ZFC3H1: variants seen among roughly 807,000 people sequenced by gnomAD.
ZFC3H1 encodes zinc finger C3H1 domain-containing protein.
ZFC3H1 carries 71 observed loss-of-function variants against 243.7 expected under a neutral mutation model. That is an observed-to-expected ratio of 0.29 (90% CI 0.24 to 0.36). ZFC3H1 has a LOEUF of 0.36. Among genes scored for constraint, ZFC3H1 ranks in the 10% least tolerant of loss-of-function variants. ZFC3H1 has a pLI of 1.00. For missense variants in ZFC3H1, 1,966 were observed against 2,317.1 expected, an observed-to-expected ratio of 0.85 and a Z score of 3.11; for synonymous variants, 838 against 813.0, an observed-to-expected ratio of 1.03 and a Z score of -0.52.
rs767539150 is a variant in ZFC3H1, at chr12:71,656,953, C to T, written c.947G>A (p.Arg316His). 154 of 1,613,568 alleles carry T rather than the reference C, an allele frequency of 9.5e-5. No homozygotes were observed. The highest frequency in any genetic ancestry group is 6.5e-5 in the Non-Finnish European group (77 of 1,179,824). ...TGCTCCATCTTTAACTTTTTTCAAA[C>T]GGTTCTTATCTCCTGGTAAAGTCAA... ...QKLTLPGDKN[R>H]LKKVKDGAKP... is the part of the protein sequence containing the mutation. Residue 316 changes from arginine to histidine, a missense_variant, in exon 2 of 35, where the codon CGT becomes CAT. Arg to His is a conservative substitution (Grantham distance 29). Around this residue, in one of 4 missense-constraint regions of ZFC3H1, gnomAD observed 484 missense variants for 449.7 expected, o/e 1.08. Coordinates refer to ENST00000378743, the MANE Select transcript of ZFC3H1 (RefSeq NM_144982.5).
At chr12:71,659,229 A>G (rs1881100842) in intron 1 of ZFC3H1, among the ~76,000 whole-genome samples, 1 of 152,224 alleles carries the variant, frequency 6.6e-6, no homozygotes, top group African/African-American at 2.4e-5. Flanking sequence ...CCTACAAGCC[A>G]TCCTTCATAC....
At chr12:71,614,735 T>C in intron 29 of ZFC3H1, 35 bp from the exon 30 acceptor site, 1 of 1,595,862 alleles carries the variant, frequency 6.3e-7, no homozygotes, top group South Asian at 1.1e-5. Flanking sequence ...TTAGAATAAC[T>C]AAGACAGTAG....
chr12:71,631,299 T>C (rs967410961), intron 16 of ZFC3H1, among the ~76,000 whole-genome samples: 12 of 152,106 alleles, frequency 7.9e-5, no homozygotes, highest in South Asian at 4.1e-4. Flanking sequence ...CTATATTACC[T>C]GGAAGGTGCT....
In ZFC3H1 at chr12:71,642,873, C is replaced by T. The variant is rs189621005; in HGVS notation, c.1504-314G>A. ...ACACCAAACTCTTGTACACTTATGA[C>T]TTCTGTATGATTAAGAAACTAGAGG... On this transcript the variant is annotated intron_variant, in intron 5 of 34. Coordinates refer to ENST00000378743, the MANE Select transcript of ZFC3H1 (RefSeq NM_144982.5). Among the ~76,000 whole-genome samples the T allele has an allele frequency of 5.8e-3, 876 of 152,266 alleles. 9 individuals are homozygous for T. The highest frequency in any genetic ancestry group is 7.4e-3 in the Non-Finnish European group (500 of 68,014).
chr12:71,654,014 A>G (rs770686958), intron 2 of ZFC3H1, among the ~76,000 whole-genome samples: 2 of 152,216 alleles, frequency 1.3e-5, no homozygotes, highest in Non-Finnish European at 2.9e-5. Context: ...CTTTGTCTCA[A>G]AAACAAACAA....
chr12:71,652,921 A>G (rs1375669773), intron 2 of ZFC3H1, among the ~76,000 whole-genome samples: 2 of 148,032 alleles, frequency 1.4e-5, no homozygotes. Context: ...TCTTTGTCCC[A>G]GGTCTCAAAA....
chr12:71,624,009 T>C (rs1880096078), intron 23 of ZFC3H1, 95 bp downstream of exon 23: 23 of 1,257,570 alleles, frequency 1.8e-5, no homozygotes, highest in Non-Finnish European at 2.3e-5. Context: ...ATCCAAATCT[T>C]GTGCTTTCAA....
Position 71,632,319 on chromosome 12 carries a change from G to A in ZFC3H1, c.3013C>T (p.Pro1005Ser), listed in dbSNP as rs144850433. ...QNISPVVEEE[P>S]EFSLPQPSLH... Reference sequence around the variant, plus strand: ...GAGGGTTGAGGTAAAGAAAATTCGGGTTCCTCTTCCACAACTGGAGAGATA... The same window carrying A: ...GAGGGTTGAGGTAAAGAAAATTCGGATTCCTCTTCCACAACTGGAGAGATA... The change falls in exon 15 of 35, where the codon CCC becomes TCC. Residue 1005 changes from proline to serine, a missense_variant. Pro to Ser is a moderately conservative substitution (Grantham distance 74, BLOSUM62 -1). Transcript: ENST00000378743. 1.4e-4 allele frequency: 229 copies of A among 1,613,822 alleles called. No individual in the cohort carries two copies. In the African/African-American group the frequency reaches 2.4e-3, roughly 17 times the overall value.
At position 71,663,721 on chromosome 12, in the gene ZFC3H1, ACTCGGACACC is replaced by A; in HGVS notation, c.-121_-112del. 1 of 1,304,860 alleles carries A rather than the reference ACTCGGACACC, an allele frequency of 7.7e-7. No homozygotes were observed. The highest frequency in any genetic ancestry group is 1.1e-6 in the Non-Finnish European group (1 of 952,026). The allele number at this position is 1,304,860 out of a possible 1,614,324, so 80.8% of individuals were successfully genotyped here. On this transcript the variant is annotated 5_prime_UTR_variant, in exon 1 of 35. Coordinates refer to ENST00000378743, the MANE Select transcript of ZFC3H1 (RefSeq NM_144982.5). ...GACTGGGTCGGTGCGGTCTTACCCT[ACTCGGACACC>A]AAGCGGCCTCTGCTCCCCAACTTCC...
In ZFC3H1 at chr12:71,634,354, A is replaced by G. The variant is rs756814451; in HGVS notation, c.2361-50T>C. The G allele has an allele frequency of 9.0e-6, 14 of 1,562,964 alleles. 1 individual carries two copies. The South Asian group carries it at 1.7e-4, about 19-fold the overall frequency. ...GCATTACACCCAAGAATAAACTTAA[A>G]CTATTTTTAAAATGTATTCTATTTC... is the stretch of plus-strand genomic sequence containing the variant. On this transcript the variant is annotated intron_variant, in intron 11 of 34. Coordinates refer to ENST00000378743, the MANE Select transcript of ZFC3H1 (RefSeq NM_144982.5).
At chr12:71,623,113 T>C (rs1880074468) in intron 24 of ZFC3H1, among the ~76,000 whole-genome samples, 1 of 152,124 alleles carries the variant, frequency 6.6e-6, no homozygotes, top group South Asian at 2.1e-4. Context: ...ATTTAACAGA[T>C]ATCCTTTGCC....
At chr12:71,611,028 T>C in intron 33 of ZFC3H1, 30 bp downstream of exon 33, 1 of 1,587,268 alleles carries the variant, frequency 6.3e-7, no homozygotes, top group Non-Finnish European at 8.5e-7. Flanking sequence ...TTTTTAAAAG[T>C]GACCCATCTG....
At chr12:71,630,227 G>C (rs1283662640) in intron 18 of ZFC3H1, among the ~76,000 whole-genome samples, 4 of 152,108 alleles carry the variant, frequency 2.6e-5, no homozygotes, top group Admixed American at 2.0e-4. Context: ...GTAAAAATAG[G>C]CTCCTATGTT....
chr12:71,612,033 C>A, intron 31 of ZFC3H1, 146 bp from the exon 32 acceptor site: 1 of 509,620 alleles, frequency 2.0e-6, no homozygotes, highest in East Asian at 3.4e-5. Context: ...ATGCCTCTTA[C>A]AAAAATTACC....
rs139784045 is a variant in ZFC3H1, at chr12:71,653,527, C to T, written c.1015+3358G>A. 9.1e-3 allele frequency among the ~76,000 whole-genome samples: 1,385 copies of T among 152,228 alleles called. 8 individuals carry two copies. The highest frequency in any genetic ancestry group is 0.027 in the Middle Eastern group (8 of 294). On this transcript the variant is annotated intron_variant, in intron 2 of 34. Coordinates refer to ENST00000378743, the MANE Select transcript of ZFC3H1 (RefSeq NM_144982.5). ...CAAGATCCAATCCAGATTCAAGAAACAACAAATTCCAAGCTGGATACATAA... is the reference window on the plus strand; with the variant it reads ...CAAGATCCAATCCAGATTCAAGAAATAACAAATTCCAAGCTGGATACATAA...
intron 22 of ZFC3H1, among the ~76,000 whole-genome samples, chr12:71,624,627 T>C (rs1381301667): frequency 6.6e-6 from 1 of 152,214 alleles, no homozygotes; most frequent in African/African-American, 2.4e-5. Context: ...TATTATCACA[T>C]ACAATTTGTG....
intron 27 of ZFC3H1, among the ~76,000 whole-genome samples, chr12:71,615,692 A>G (rs140309221): frequency 1.1e-4 from 17 of 152,030 alleles, no homozygotes; most frequent in African/African-American, 4.1e-4. Flanking sequence ...TAATTTTTGT[A>G]TTTGTAATAG....
chr12:71,658,024 C>T (rs565781118), intron 1 of ZFC3H1, among the ~76,000 whole-genome samples: 102 of 151,832 alleles, frequency 6.7e-4, no homozygotes, highest in Non-Finnish European at 9.7e-4. Flanking sequence ...TAAAATAGTA[C>T]TCAAAATATA....
intron 33 of ZFC3H1, 119 bp downstream of exon 33, chr12:71,610,939 G>A (rs1879751900): frequency 2.0e-6 from 3 of 1,489,518 alleles, no homozygotes; most frequent in Non-Finnish European, 2.7e-6. Flanking sequence ...TCCCCACTTG[G>A]TTCTTAGTGT....
Sources: allele counts gnomAD v4.1 joint callset (sites outside exome capture counted in the v4.1 genomes callset), GRCh38; gene constraint gnomAD v4.1.1; regional missense constraint gnomAD v4.1.1; transcripts MANE v1.5; gene names NCBI Gene and HGNC (gene_info 2026-07-23, HGNC 2026-07-21).